MPZL1: variants seen among roughly 807,000 people sequenced by gnomAD.
The protein encoded by MPZL1 is myelin protein zero like 1, also known as myelin protein zero-like protein 1.
Under a neutral mutation model 29.3 loss-of-function variants are expected in MPZL1, and 16 were observed. The ratio of observed to expected loss-of-function variants is 0.55; its 90% CI spans 0.37 to 0.83. MPZL1 has a LOEUF of 0.83. Ranked by LOEUF, MPZL1 falls within the 40% of genes least tolerant of loss-of-function variation. The pLI is 0.00. For missense variants in MPZL1, 279 were observed against 332.9 expected, an observed-to-expected ratio of 0.84 and a Z score of 1.26; for synonymous variants, 143 against 132.0, an observed-to-expected ratio of 1.08 and a Z score of -0.57.
chr1:167,764,408 C>T (rs1281494585), intron 1 of MPZL1, among the ~76,000 whole-genome samples: 1 of 152,152 alleles, frequency 6.6e-6, no homozygotes, highest in Non-Finnish European at 1.5e-5. Context: ...ACTGACAAAA[C>T]TTGATGGGTG....
chr1:167,760,138 G>A (rs1375724239), intron 1 of MPZL1, among the ~76,000 whole-genome samples: 1 of 152,182 alleles, frequency 6.6e-6, no homozygotes, highest in East Asian at 1.9e-4. Context: ...ACAGTGGCTT[G>A]GACCAAGATG....
intron 1 of MPZL1, among the ~76,000 whole-genome samples, chr1:167,725,786 A>AT (rs999587218): frequency 2.6e-5 from 4 of 151,426 alleles, no homozygotes; most frequent in African/African-American, 4.9e-5. Flanking sequence ...CATCTGGCTG[A>AT]TTTTTTTATT....
intron 1 of MPZL1, among the ~76,000 whole-genome samples, chr1:167,729,932 A>C (rs1468291933): frequency 2.6e-5 from 4 of 152,248 alleles, no homozygotes; most frequent in African/African-American, 9.6e-5. Context: ...CACACAGCTA[A>C]TACATGGTAG....
chr1:167,774,403 A>C (rs1440016504), intron 4 of MPZL1, among the ~76,000 whole-genome samples: 1 of 152,176 alleles, frequency 6.6e-6, no homozygotes, highest in African/African-American at 2.4e-5. Context: ...GGGAACCTCT[A>C]TCTATGGGCT....
At chr1:167,779,160 T>C (rs1661437217) in intron 5 of MPZL1, among the ~76,000 whole-genome samples, 1 of 151,340 alleles carries the variant, frequency 6.6e-6, no homozygotes, top group African/African-American at 2.4e-5. Context: ...TGAACAGAGC[T>C]TCAGTGAGCC....
intron 5 of MPZL1, among the ~76,000 whole-genome samples, chr1:167,784,335 T>C (rs1661550905): frequency 6.6e-6 from 1 of 152,218 alleles, no homozygotes; most frequent in Non-Finnish European, 1.5e-5. Flanking sequence ...TTGTTGTAAT[T>C]CTTTGTGTAA....
At chr1:167,751,233 A>G (rs1236446793) in intron 1 of MPZL1, among the ~76,000 whole-genome samples, 2 of 152,220 alleles carry the variant, frequency 1.3e-5, no homozygotes, top group Non-Finnish European at 2.9e-5. Context: ...TCACCATATT[A>G]TCTTTTTATG....
chr1:167,786,248 G>T (rs1445375014), intron 5 of MPZL1, among the ~76,000 whole-genome samples: 3 of 152,144 alleles, frequency 2.0e-5, no homozygotes. Context: ...TAAACACACA[G>T]AGTTTGACTA....
rs1661622010 is a variant in MPZL1 at position 167,787,894 on chromosome 1, G to A, written c.783G>A (p.Val261=). 2 of 1,613,062 alleles carry A rather than the reference G, an allele frequency of 1.2e-6. No homozygotes were observed. Residue 261 remains valine, a synonymous_variant, in exon 6 of 6, where the codon GTG becomes GTA. Transcript: ENST00000359523. The part of the protein sequence containing the change: ...HSDKINKSES[V]VYADIRKN ...ACAAGATTAACAAGTCAGAGTCTGT[G>A]GTGTATGCGGATATCCGAAAGAATT...
chr1:167,749,745 G>C (rs1265401871), intron 1 of MPZL1, among the ~76,000 whole-genome samples: 1 of 151,862 alleles, frequency 6.6e-6, no homozygotes, highest in Non-Finnish European at 1.5e-5. Context: ...TCCTTTTTTG[G>C]GCTAGAGTAT....
chr1:167,756,744 A>G (rs1004482306), intron 1 of MPZL1, among the ~76,000 whole-genome samples: 24 of 152,156 alleles, frequency 1.6e-4, no homozygotes, highest in African/African-American at 5.8e-4. Context: ...CTGACATTCA[A>G]ACAAATGTTT....
intron 5 of MPZL1, among the ~76,000 whole-genome samples, chr1:167,781,298 T>G (rs76980067): frequency 0.036 from 5,435 of 152,206 alleles, 141 homozygotes; most frequent in Middle Eastern, 0.1. Flanking sequence ...CGCAGAATTC[T>G]TACTCTTTTT....
intron 5 of MPZL1, among the ~76,000 whole-genome samples, chr1:167,785,788 AAC>A (rs1196389182): frequency 2.0e-5 from 3 of 152,096 alleles, no homozygotes; most frequent in African/African-American, 7.2e-5. Context: ...CCTAGTAGAA[AAC>A]AGTCTTTTTT....
chr1:167,756,261 A>G (rs930044917), intron 1 of MPZL1, among the ~76,000 whole-genome samples: 3 of 151,878 alleles, frequency 2.0e-5, no homozygotes, highest in Non-Finnish European at 2.9e-5. Flanking sequence ...CAGTCCTCCT[A>G]TCTCAGCCCC....
chr1:167,731,434 CTTT>C (rs1255648939), intron 1 of MPZL1, among the ~76,000 whole-genome samples: 6 of 121,580 alleles, frequency 4.9e-5, no homozygotes, highest in Non-Finnish European at 6.8e-5. Flanking sequence ...AAAACTGTGT[CTTT>C]TTTTTTTTTT....
chr1:167,722,159 C>G lies in MPZL1; in HGVS notation c.8C>G (p.Ala3Gly), dbSNP rs1454288172. MA[A>G]SAGAGAVIAA... ...GACTGCAGTGGCTGGACGATGGCAGCGTCCGCCGGAGCCGGGGCGGTGATT... is the reference window on the plus strand; with the variant it reads ...GACTGCAGTGGCTGGACGATGGCAGGGTCCGCCGGAGCCGGGGCGGTGATT... Residue 3 changes from alanine (A) to glycine (G), a missense_variant, in exon 1 of 6, where the codon GCG (alanine) becomes GGG (glycine). Transcript: ENST00000359523. 6.5e-6 allele frequency: 8 copies of G among 1,235,910 alleles called. No homozygotes were observed. In the Admixed American group the frequency reaches 1.7e-4, roughly 26 times the overall value. The allele number at this position is 1,235,910 out of a possible 1,614,324, so 76.6% of individuals were successfully genotyped here. A position where few individuals can be genotyped will look rare whatever the true frequency, so the allele number is the denominator to read the frequency against.
At chr1:167,774,127 C>A (rs1368694084) in intron 4 of MPZL1, among the ~76,000 whole-genome samples, 1 of 152,182 alleles carries the variant, frequency 6.6e-6, no homozygotes, top group Admixed American at 6.5e-5. Flanking sequence ...AATAGACTTT[C>A]TTTTTGTTTA....
intron 1 of MPZL1, among the ~76,000 whole-genome samples, chr1:167,732,412 A>G (rs1418763987): frequency 6.6e-6 from 1 of 152,206 alleles, no homozygotes; most frequent in African/African-American, 2.4e-5. Context: ...AAACAAACAA[A>G]AAAAATACAA....
At position 167,722,116 on chromosome 1, in the gene MPZL1, C is replaced by CGCGGCG. The variant is rs746853360; in HGVS notation, c.-23_-18dup. The stretch of plus-strand genomic sequence containing the variant: ...CTCAGCGGGGACCCGGGCTCAGGGA[C>CGCGGCG]GCGGCGGCGGCGGCGGCGACTGCAG... On this transcript the variant is annotated 5_prime_UTR_variant, in exon 1 of 6. Coordinates refer to ENST00000359523, the MANE Select transcript of MPZL1 (RefSeq NM_003953.6). The CGCGGCG allele has an allele frequency of 1.6e-5, 20 of 1,233,264 alleles. No individual in the cohort carries two copies. Among genetic ancestry groups the CGCGGCG allele is most frequent in the Admixed American group, 4.2e-5 (1 of 23,656 alleles). 76.4% of individuals were successfully genotyped at this position (1,233,264 alleles called of 1,614,324 possible).
Sources: allele counts gnomAD v4.1 joint callset (sites outside exome capture counted in the v4.1 genomes callset), GRCh38; gene constraint gnomAD v4.1.1; transcripts MANE v1.5; gene names NCBI Gene and HGNC (gene_info 2026-07-23, HGNC 2026-07-21).